The following GSAP variants were observed in gnomAD, a reference collection of about 807,000 sequenced individuals.
The protein encoded by GSAP is gamma-secretase activating protein, also known as gamma-secretase-activating protein.
In GSAP, 118 loss-of-function variants were observed where a neutral mutation model predicts 131.7. The ratio of observed to expected loss-of-function variants is 0.90; its 90% CI spans 0.77 to 1.04. The LOEUF is 1.04. GSAP is among the 50% of genes least tolerant of loss of function. The pLI is 0.00. For missense variants in GSAP, 1,019 were observed against 1,013.2 expected (o/e 1.01, Z -0.08); for synonymous variants, 381 against 363.4 (o/e 1.05, Z -0.55).
At chr7:77,343,992 C>T (rs1791412370) in intron 19 of GSAP, among the ~76,000 whole-genome samples, 2 of 152,162 alleles carry the variant, frequency 1.3e-5, no homozygotes, top group African/African-American at 4.8e-5. Context: ...GGATTTGCCC[C>T]TGCCCAGGAC....
chr7:77,373,201 A>AT (rs1306214816), intron 12 of GSAP, among the ~76,000 whole-genome samples: 2 of 152,204 alleles, frequency 1.3e-5, no homozygotes, highest in Non-Finnish European at 1.5e-5. Context: ...ATATGATTCT[A>AT]TTTAAATACT....
upstream of GSAP, chr7:77,416,460 G>T: frequency 2.0e-6 from 1 of 491,516 alleles, no homozygotes; most frequent in Non-Finnish European, 3.5e-6. Flanking sequence ...CGGTTCTGCA[G>T]CGCCCTGGCC....
At chr7:77,374,209 C>A in intron 11 of GSAP, 54 bp from the exon 12 acceptor site, 1 of 877,854 alleles carries the variant, frequency 1.1e-6, no homozygotes, top group South Asian at 1.4e-5. Flanking sequence ...TACATCCCTT[C>A]ATAAAGGATG....
At chr7:77,322,070 A>T (rs1407641316) in intron 24 of GSAP, among the ~76,000 whole-genome samples, 1 of 152,176 alleles carries the variant, frequency 6.6e-6, no homozygotes, top group Non-Finnish European at 1.5e-5. Flanking sequence ...GTCCCTATGG[A>T]GTTGTTATCA....
At chr7:77,353,049 A>G (rs971930569) in intron 17 of GSAP, 23 bp from the exon 18 acceptor site, 13 of 1,329,756 alleles carry the variant, frequency 9.8e-6, no homozygotes, top group Non-Finnish European at 1.4e-5. Context: ...TTTTTGAAAC[A>G]GGGGGAAAAA....
Position 77,383,854 on chromosome 7 carries a change from G to C in GSAP, c.457-1211C>G, listed in dbSNP as rs59285680. Among the ~76,000 whole-genome samples, 583 of 152,218 alleles carry C rather than the reference G, an allele frequency of 3.8e-3. 3 individuals carry two copies. Among genetic ancestry groups the C allele is most frequent in the African/African-American group, 0.013 (556 of 41,526 alleles). ...CGAGTCATTAGTCTCACTAAACTTAGGACAATTTTTTATTATTTCCTAGTG... is the reference window on the plus strand; with the variant it reads ...CGAGTCATTAGTCTCACTAAACTTACGACAATTTTTTATTATTTCCTAGTG... On this transcript the variant is annotated intron_variant, in intron 6 of 30. Coordinates refer to ENST00000257626, the MANE Select transcript of GSAP (RefSeq NM_017439.4).
Position 77,328,639 on chromosome 7 carries a change from T to G in GSAP, c.1734-2A>C. 1 of 1,563,704 alleles carries G rather than the reference T, an allele frequency of 6.4e-7. No individual in the cohort carries two copies. The highest frequency in any genetic ancestry group is 8.8e-7 in the Non-Finnish European group (1 of 1,135,866). ...CTTGCTTCTAGGTTAGAAATCACCCTACGAAGAAATTAGCCATGTTATTCA... is the reference window on the plus strand; with the variant it reads ...CTTGCTTCTAGGTTAGAAATCACCCGACGAAGAAATTAGCCATGTTATTCA... On this transcript the variant is annotated splice_acceptor_variant, in intron 21 of 30. Transcript: ENST00000257626. LOFTEE classifies it high-confidence loss of function.
Position 77,355,535 on chromosome 7 carries a change from G to T in GSAP, c.1120+20C>A. On this transcript the variant is annotated intron_variant, in intron 15 of 30. Transcript: ENST00000257626. ...AAACTCAAATGGGCCACCTCTACAA[G>T]AGAAAAACTATAGCCGTACCTGTCA... 6.3e-7 allele frequency: 1 copy of T among 1,577,328 alleles called. No homozygotes were observed. The highest frequency in any genetic ancestry group is 8.7e-7 in the Non-Finnish European group (1 of 1,148,178).
chr7:77,380,506 A>G (rs546167954), intron 8 of GSAP, among the ~76,000 whole-genome samples: 71 of 152,196 alleles, frequency 4.7e-4, no homozygotes, highest in Non-Finnish European at 7.9e-4. Flanking sequence ...CAATTTAGTG[A>G]ATGTCTATCC....
At chr7:77,347,978 C>T (rs1403047515) in intron 19 of GSAP, among the ~76,000 whole-genome samples, 1 of 148,598 alleles carries the variant, frequency 6.7e-6, no homozygotes, top group Non-Finnish European at 1.5e-5. Context: ...TAGCAAGACC[C>T]CATCTCTACA....
chr7:77,353,930 T>C (rs898807861), intron 16 of GSAP, among the ~76,000 whole-genome samples: 3 of 152,102 alleles, frequency 2.0e-5, no homozygotes, highest in Non-Finnish European at 4.4e-5. Flanking sequence ...GGTCATGTTA[T>C]AGCAAAGCAC....
At chr7:77,388,207 C>T (rs571391706) in intron 5 of GSAP, among the ~76,000 whole-genome samples, 1 of 152,348 alleles carries the variant, frequency 6.6e-6, no homozygotes, top group Non-Finnish European at 1.5e-5. Context: ...TTTGTACTCA[C>T]TCCATGCCAT....
intron 12 of GSAP, among the ~76,000 whole-genome samples, chr7:77,372,817 C>A (rs887239280): frequency 6.6e-6 from 1 of 152,232 alleles, no homozygotes; most frequent in Admixed American, 6.5e-5. Flanking sequence ...CAAGGTCCCA[C>A]ATAGCCTGGC....
intron 5 of GSAP, among the ~76,000 whole-genome samples, chr7:77,390,864 G>A (rs1286194352): frequency 7.0e-6 from 1 of 143,132 alleles, no homozygotes; most frequent in African/African-American, 2.6e-5. Flanking sequence ...CAGGAGACTC[G>A]CTTGAAACCA....
rs528627167 is a variant in GSAP, at chr7:77,404,462, A to G, written c.243+97T>C. On this transcript the variant is annotated intron_variant, in intron 3 of 30. Transcript: ENST00000257626. Reference sequence around the variant, plus strand: ...TTTCAAATAAAATGTTTACAGAAAAAGAGAAAATAAAGTTGGAATTTATAT... The same window carrying G: ...TTTCAAATAAAATGTTTACAGAAAAGGAGAAAATAAAGTTGGAATTTATAT... 18 of 713,408 alleles carry G rather than the reference A, an allele frequency of 2.5e-5. No homozygotes were observed. The African/African-American group carries it at 3.1e-4, about 12-fold the overall frequency. 44.2% of individuals were successfully genotyped at this position (713,408 alleles called of 1,614,324 possible).
chr7:77,313,650 C>A, intron 27 of GSAP, 101 bp from the exon 28 acceptor site: 1 of 591,102 alleles, frequency 1.7e-6, no homozygotes, highest in Non-Finnish European at 3.0e-6. Flanking sequence ...TAGGACATAT[C>A]CCAACTGTGT....
intron 1 of GSAP, among the ~76,000 whole-genome samples, chr7:77,409,482 AC>A (rs1300358110): frequency 5.3e-5 from 8 of 152,192 alleles, no homozygotes; most frequent in Admixed American, 5.2e-4. Flanking sequence ...CTGAACTCAA[AC>A]CTAGAAAAAG....
At chr7:77,364,449 A>T (rs1794976120) in intron 12 of GSAP, among the ~76,000 whole-genome samples, 1 of 146,384 alleles carries the variant, frequency 6.8e-6, no homozygotes. Context: ...GCATATTCTC[A>T]CTCATAGGTG....
At chr7:77,395,289 C>T (rs1331097950) in intron 5 of GSAP, among the ~76,000 whole-genome samples, 1 of 152,146 alleles carries the variant, frequency 6.6e-6, no homozygotes, top group African/African-American at 2.4e-5. Context: ...CAAGTTTCTA[C>T]ACAGATGCCC....
Sources: allele counts gnomAD v4.1 joint callset (sites outside exome capture counted in the v4.1 genomes callset), GRCh38; gene constraint gnomAD v4.1.1; transcripts MANE v1.5; gene names NCBI Gene and HGNC (gene_info 2026-07-23, HGNC 2026-07-21).